Variants in SMARCA2 observed in about 807,000 individuals in gnomAD.
SMARCA2 encodes SWI/SNF-related matrix-associated actin-dependent regulator of chromatin subfamily A member 2.
SMARCA2 carries 61 observed loss-of-function variants against 199.8 expected under a neutral mutation model. The ratio of observed to expected loss-of-function variants is 0.31; its 90% CI spans 0.25 to 0.38. The LOEUF (loss-of-function observed/expected upper bound fraction) is 0.38, where lower values mean the gene tolerates loss of function less well. Among genes scored for constraint, SMARCA2 ranks in the 10% least tolerant of loss-of-function variants. The probability of loss-of-function intolerance (pLI) is 1.00; values close to 1 mark genes in which losing one functional copy is unlikely to be tolerated. For missense variants in SMARCA2, 1,344 were observed against 2,012.2 expected, an observed-to-expected ratio of 0.67 and a Z score of 6.35; for synonymous variants, 935 against 732.0, an observed-to-expected ratio of 1.28 and a Z score of -4.48.
Position 2,123,665 on chromosome 9 carries a change from T to C in SMARCA2, c.3763-54T>C. 4 of 1,489,842 alleles carry C rather than the reference T, an allele frequency of 2.7e-6. No individual in the cohort carries two copies. Among genetic ancestry groups the C allele is most frequent in the Non-Finnish European group, 3.7e-6 (4 of 1,072,488 alleles). The allele number at this position is 1,489,842 out of a possible 1,614,324, so 92.3% of individuals were successfully genotyped here. A position where few individuals can be genotyped will look rare whatever the true frequency, so the allele number is the denominator to read the frequency against. On this transcript the variant is annotated intron_variant, in intron 26 of 33. Transcript: ENST00000349721. This position sits in a 1 kb window ranked among gnomAD's most constrained non-coding sequence, Gnocchi z 4.1. Reference sequence around the variant, plus strand: ...GGGGAAGTTGTGTAGTGCTGGGAAGTCTGCACCATACAGAAGCCCTGACTT... The same window carrying C: ...GGGGAAGTTGTGTAGTGCTGGGAAGCCTGCACCATACAGAAGCCCTGACTT...
At chr9:2,160,676 G>C in intron 27 of SMARCA2, 1 of 693,170 alleles carries the variant, frequency 1.4e-6, no homozygotes, top group Non-Finnish European at 2.6e-6. Context: ...ATTATCATTT[G>C]CATACTGGAG....
intron 27 of SMARCA2, among the ~76,000 whole-genome samples, chr9:2,149,033 GTTT>G (rs1460172412): frequency 2.0e-5 from 3 of 151,502 alleles, no homozygotes; most frequent in African/African-American, 7.3e-5. Flanking sequence ...AGCTAAGTGT[GTTT>G]ATTAGTAAAA....
At chr9:2,084,017 A>G in intron 16 of SMARCA2, 69 bp from the exon 17 acceptor site, 1 of 813,642 alleles carries the variant, frequency 1.2e-6, no homozygotes, top group Non-Finnish European at 2.1e-6. Context: ...TCATTAAGCT[A>G]TGAAAAGTGA....
intron 18 of SMARCA2, 43 bp from the exon 19 acceptor site, chr9:2,088,457 C>T: frequency 6.5e-7 from 1 of 1,546,102 alleles, no homozygotes. Context: ...ATGAAACATC[C>T]TTTTCTTTAA....
chr9:2,130,387 C>T (rs994931893), intron 27 of SMARCA2, among the ~76,000 whole-genome samples: 1 of 152,148 alleles, frequency 6.6e-6, no homozygotes, highest in Non-Finnish European at 1.5e-5. Flanking sequence ...AGATGAGAAT[C>T]CCAGTCCGCT....
intron 22 of SMARCA2, 100 bp downstream of exon 22, chr9:2,101,716 C>T: frequency 3.2e-6 from 2 of 629,212 alleles, no homozygotes; most frequent in Non-Finnish European, 5.6e-6. Context: ...TACTTACTTC[C>T]AGCCCTCTAA....
intron 29 of SMARCA2, among the ~76,000 whole-genome samples, chr9:2,172,399 T>A (rs1415674422): frequency 7.5e-6 from 1 of 133,320 alleles, no homozygotes; most frequent in African/African-American, 2.9e-5. Flanking sequence ...GTGAGCAGAG[T>A]GGGAGTTTCT....
intron 19 of SMARCA2, among the ~76,000 whole-genome samples, chr9:2,093,943 C>G (rs1377586911): frequency 6.6e-6 from 1 of 152,164 alleles, no homozygotes; most frequent in Non-Finnish European, 1.5e-5. Flanking sequence ...GGAAAATGAG[C>G]TTCAGCATGT....
chr9:2,123,097 A>G lies in SMARCA2; in HGVS notation c.3763-622A>G, dbSNP rs1218644062. On this transcript the variant is annotated intron_variant, in intron 26 of 33. Transcript: ENST00000349721. The surrounding 1 kb of genome is among the most constrained non-coding windows in gnomAD (Gnocchi z 4.1). ...TAAGAGCACAAAGCTTAAAATGTAA[A>G]GAATTGAAGAGCATTCCTCAGACAG... is the stretch of plus-strand genomic sequence containing the variant. Among the ~76,000 whole-genome samples the G allele has an allele frequency of 6.6e-6, 1 of 152,218 alleles. No homozygotes were observed. The highest frequency in any genetic ancestry group is 1.5e-5 in the Non-Finnish European group (1 of 68,030).
At chr9:2,027,568 T>C (rs1209877346) in intron 1 of SMARCA2, among the ~76,000 whole-genome samples, 1 of 152,144 alleles carries the variant, frequency 6.6e-6, no homozygotes, top group Non-Finnish European at 1.5e-5. Context: ...CTGGTTGAGG[T>C]GCTGGGAACG....
intron 1 of SMARCA2, among the ~76,000 whole-genome samples, chr9:2,026,960 C>T (rs1307782402): frequency 1.3e-5 from 2 of 152,144 alleles, no homozygotes; most frequent in Admixed American, 1.3e-4. Flanking sequence ...TGTTTAGAAG[C>T]CACTTGTACT....
At chr9:2,087,486 C>T (rs1821851649) in intron 18 of SMARCA2, 1 of 162,752 alleles carries the variant, frequency 6.1e-6, no homozygotes, top group African/African-American at 2.4e-5. Context: ...TAAAATATTT[C>T]CACATAAAGA....
chr9:2,131,200 T>C (rs1439430100), intron 27 of SMARCA2, among the ~76,000 whole-genome samples: 1 of 152,242 alleles, frequency 6.6e-6, no homozygotes, highest in African/African-American at 2.4e-5. Flanking sequence ...ACCAGCCAGC[T>C]GGAGAGTAGT....
chr9:2,071,329 A>G (rs1450208316), intron 10 of SMARCA2, among the ~76,000 whole-genome samples: 1 of 152,222 alleles, frequency 6.6e-6, no homozygotes, highest in Non-Finnish European at 1.5e-5. Context: ...ATCTATCACA[A>G]GGAAAGAAAG....
At chr9:2,032,075 C>G (rs1214217319) in intron 2 of SMARCA2, among the ~76,000 whole-genome samples, 1 of 152,182 alleles carries the variant, frequency 6.6e-6, no homozygotes, top group African/African-American at 2.4e-5. Flanking sequence ...ACTTTTGACT[C>G]TGCAGAAATT....
chr9:2,128,726 G>T (rs1255048700), intron 27 of SMARCA2, among the ~76,000 whole-genome samples: 1 of 152,244 alleles, frequency 6.6e-6, no homozygotes, highest in Non-Finnish European at 1.5e-5. Flanking sequence ...GTGAGTGAGA[G>T]GCCTAAAGCC....
intron 30 of SMARCA2, 147 bp downstream of exon 30, chr9:2,181,823 G>A (rs926047397): frequency 2.9e-5 from 18 of 621,534 alleles, no homozygotes; most frequent in South Asian, 5.9e-5. Flanking sequence ...GTGCTTTTCC[G>A]TGAGTGTTAC....
intron 29 of SMARCA2, among the ~76,000 whole-genome samples, chr9:2,174,639 G>C (rs376686709): frequency 1.3e-5 from 2 of 152,140 alleles, no homozygotes; most frequent in Non-Finnish European, 2.9e-5. Flanking sequence ...GGAAGCAAAG[G>C]CCAGGCACAG....
intron 5 of SMARCA2, among the ~76,000 whole-genome samples, chr9:2,052,829 A>G (rs1274860488): frequency 6.6e-6 from 1 of 152,186 alleles, no homozygotes; most frequent in Non-Finnish European, 1.5e-5. Context: ...GGCTGTCGTC[A>G]TCAGCATCTT....
Sources: gnomAD v4.1 joint callset for allele counts (sites outside exome capture counted in the v4.1 genomes callset) on GRCh38, gnomAD v4.1.1 for gene constraint, Gnocchi (gnomAD v3.1) non-coding constraint, MANE v1.5 for transcripts, NCBI Gene and HGNC (gene_info 2026-07-23, HGNC 2026-07-21) for gene names.